The following XPO1 variants were observed in gnomAD, a reference collection of about 807,000 sequenced individuals.
The protein encoded by XPO1 is exportin 1.
A neutral mutation model predicts 133.3 loss-of-function variants in XPO1; 5 were observed. That is an observed-to-expected ratio of 0.04 (90% CI 0.02 to 0.08). The LOEUF (loss-of-function observed/expected upper bound fraction) is 0.08, where lower values mean the gene tolerates loss of function less well. XPO1 is among the 10% of genes least tolerant of loss of function. XPO1 has a pLI of 1.00. For synonymous variants in XPO1, 419 were observed against 408.2 expected, an observed-to-expected ratio of 1.03 and a Z score of -0.32; for missense variants, 506 against 1,267.5, an observed-to-expected ratio of 0.40 and a Z score of 9.12.
chr2:61,491,985 GATACAAGTGTT>G (rs1558638853), intron 16 of XPO1, 39 bp downstream of exon 16: 1 of 1,593,304 alleles, frequency 6.3e-7, no homozygotes, highest in East Asian at 2.2e-5. Context: ...CATACAGATT[GATACAAGTGTT>G]ACTTTCTAAA....
rs1368706958 is a variant in XPO1, at chr2:61,516,484, A to C, written c.301+6127T>G. ...GGCCGTAGTGCAATGGCGCGATCTC[A>C]GCTCACCGCGACCTCTGCCTCCCGG... is the stretch of plus-strand genomic sequence containing the variant. On this transcript the variant is annotated intron_variant, in intron 4 of 24. Transcript: ENST00000401558. 2.0e-5 allele frequency among the ~76,000 whole-genome samples: 3 copies of C among 151,500 alleles called. No homozygotes were observed. In the South Asian group the frequency reaches 6.3e-4, roughly 32 times the overall value.
intron 6 of XPO1, among the ~76,000 whole-genome samples, chr2:61,500,435 G>A (rs193188370): frequency 3.2e-4 from 48 of 150,694 alleles, no homozygotes; most frequent in Non-Finnish European, 5.6e-4. Flanking sequence ...AAAAATTAGC[G>A]AGGCATGGTG....
intron 16 of XPO1, among the ~76,000 whole-genome samples, chr2:61,491,280 G>C (rs1241548005): frequency 6.6e-6 from 1 of 151,974 alleles, no homozygotes; most frequent in Non-Finnish European, 1.5e-5. Context: ...GACCAACATG[G>C]AGAAACCCCG....
chr2:61,507,689 C>T (rs1235220417), intron 4 of XPO1, among the ~76,000 whole-genome samples: 2 of 152,026 alleles, frequency 1.3e-5, no homozygotes, highest in Admixed American at 6.6e-5. Context: ...ACCAGCCTGG[C>T]CAACATGGCA....
intron 1 of XPO1, among the ~76,000 whole-genome samples, chr2:61,536,003 C>T (rs1699341659): frequency 6.6e-6 from 1 of 152,182 alleles, no homozygotes; most frequent in Non-Finnish European, 1.5e-5. Flanking sequence ...ACAAACTTTT[C>T]ACCTATTTAC....
chr2:61,505,707 A>G (rs924256942), intron 4 of XPO1, among the ~76,000 whole-genome samples: 2 of 151,980 alleles, frequency 1.3e-5, no homozygotes, highest in African/African-American at 4.8e-5. Context: ...TACAGACGTG[A>G]GCCACCGCAC....
At chr2:61,524,475 G>A (rs1698829137) in intron 3 of XPO1, among the ~76,000 whole-genome samples, 1 of 152,152 alleles carries the variant, frequency 6.6e-6, no homozygotes, top group African/African-American at 2.4e-5. Flanking sequence ...TCATCTTTCT[G>A]CCAAGGGGGT....
intron 2 of XPO1, among the ~76,000 whole-genome samples, chr2:61,530,848 T>A (rs1352192549): frequency 6.6e-6 from 1 of 152,182 alleles, no homozygotes; most frequent in African/African-American, 2.4e-5. Context: ...AAAATTTTTT[T>A]AATTTTAAGC....
chr2:61,534,255 G>C (rs896792401), intron 1 of XPO1: 125 of 161,826 alleles, frequency 7.7e-4, no homozygotes, highest in Middle Eastern at 5.5e-3. Context: ...TCAGTATCTT[G>C]ATGTCAAAAC....
chr2:61,536,053 A>C (rs1395641707), intron 1 of XPO1: 59 of 152,218 alleles, frequency 3.9e-4, no homozygotes, highest in Admixed American at 3.8e-3. Flanking sequence ...GATTAAGAAA[A>C]TGACTCTTAC....
intron 7 of XPO1, 110 bp downstream of exon 7, chr2:61,499,603 T>C: frequency 9.2e-7 from 1 of 1,083,798 alleles, no homozygotes; most frequent in Non-Finnish European, 1.3e-6. Flanking sequence ...CTACAAGCAA[T>C]TTAACATATT....
At chr2:61,481,334 G>C (rs554690583) in intron 23 of XPO1, 53 bp from the exon 24 acceptor site, 4 of 1,416,560 alleles carry the variant, frequency 2.8e-6, no homozygotes, top group East Asian at 2.4e-5. Flanking sequence ...CCCCGAGACA[G>C]AGTATTGCTC....
chr2:61,527,944 A>T (rs1028370399), intron 2 of XPO1, among the ~76,000 whole-genome samples: 3 of 148,302 alleles, frequency 2.0e-5, no homozygotes, highest in African/African-American at 5.0e-5. Context: ...TTTTTTTTTT[A>T]AAGTTGGAGT....
chr2:61,498,397 C>CGTAAT (rs1697344977), intron 9 of XPO1, among the ~76,000 whole-genome samples: 1 of 152,212 alleles, frequency 6.6e-6, no homozygotes, highest in Non-Finnish European at 1.5e-5. Flanking sequence ...TAGCACTTGA[C>CGTAAT]TTACCTCACT....
intron 4 of XPO1, 66 bp downstream of exon 4, chr2:61,522,545 C>G: frequency 2.2e-6 from 3 of 1,380,814 alleles, no homozygotes; most frequent in Non-Finnish European, 2.0e-6. Context: ...CCCCCTCAAA[C>G]AGTCAACTAC....
At chr2:61,537,175 A>C (rs925117333) in intron 1 of XPO1, 3 of 151,770 alleles carry the variant, frequency 2.0e-5, no homozygotes, top group African/African-American at 7.3e-5. Context: ...ATATTTCTGG[A>C]AACTTCCACT....
At chr2:61,506,061 A>C (rs1697796133) in intron 4 of XPO1, among the ~76,000 whole-genome samples, 1 of 152,138 alleles carries the variant, frequency 6.6e-6, no homozygotes, top group Non-Finnish European at 1.5e-5. Flanking sequence ...ACCATTGTTC[A>C]TTCCCCAAAT....
intron 22 of XPO1, 46 bp from the exon 23 acceptor site, chr2:61,482,585 A>T: frequency 6.9e-7 from 1 of 1,442,340 alleles, no homozygotes; most frequent in African/African-American, 1.5e-5. Context: ...TAATATAACT[A>T]TAGATCTTAG....
intron 4 of XPO1, among the ~76,000 whole-genome samples, chr2:61,514,940 A>G (rs1018193724): frequency 6.6e-6 from 1 of 152,088 alleles, no homozygotes; most frequent in Non-Finnish European, 1.5e-5. Context: ...GTGGTGGTGC[A>G]TGCTTGTAAT....
Sources: allele counts gnomAD v4.1 joint callset (sites outside exome capture counted in the v4.1 genomes callset), GRCh38; gene constraint gnomAD v4.1.1; transcripts MANE v1.5; gene names NCBI Gene and HGNC (gene_info 2026-07-23, HGNC 2026-07-21).